CSMD1: variants seen among roughly 807,000 people sequenced by gnomAD.
The protein encoded by CSMD1 is CUB and Sushi multiple domains 1.
In CSMD1, 213 loss-of-function variants were observed where a neutral mutation model predicts 417.5. The observed-to-expected ratio is 0.51, with a 90% confidence interval of 0.46 to 0.57. The LOEUF (loss-of-function observed/expected upper bound fraction) is 0.57. Among genes scored for constraint, CSMD1 ranks in the 20% least tolerant of loss-of-function variants. The pLI is 0.00. For synonymous variants in CSMD1, 2,862 were observed against 1,736.8 expected (o/e 1.65, Z -16.11); for missense variants, 6,923 against 4,529.7 (o/e 1.53, Z -15.17).
At chr8:3,123,944 G>C (rs6991828) in intron 41 of CSMD1, among the ~76,000 whole-genome samples, 56,279 of 152,004 alleles carry the variant, frequency 0.37, 14,538 homozygotes, top group African/African-American at 0.73. Context: ...TTTTGGGATA[G>C]GTAAAACTAG....
At chr8:4,311,472 C>A (rs1360161660) in intron 3 of CSMD1, among the ~76,000 whole-genome samples, 1 of 152,192 alleles carries the variant, frequency 6.6e-6, no homozygotes, top group East Asian at 1.9e-4. Context: ...GCTGTAATCC[C>A]AGCATTTCAG....
chr8:3,881,643 C>G (rs1330754325), intron 5 of CSMD1, among the ~76,000 whole-genome samples: 6 of 144,362 alleles, frequency 4.2e-5, no homozygotes, highest in Non-Finnish European at 9.1e-5. Flanking sequence ...AACAAACAAA[C>G]AAACAAAAAC....
At chr8:4,248,636 A>G (rs757057128) in intron 3 of CSMD1, among the ~76,000 whole-genome samples, 2 of 152,066 alleles carry the variant, frequency 1.3e-5, no homozygotes, top group South Asian at 2.1e-4. Context: ...TGATCACTTC[A>G]TTTTACACCA....
chr8:4,974,743 T>C (rs13266818), intron 1 of CSMD1, among the ~76,000 whole-genome samples: 80,613 of 151,964 alleles, frequency 0.53, 22,124 homozygotes, highest in African/African-American at 0.62. Context: ...CAATCCACAA[T>C]ATCTGACTAG....
At chr8:2,986,695 G>A (rs1252816608) in intron 54 of CSMD1, among the ~76,000 whole-genome samples, 3 of 151,940 alleles carry the variant, frequency 2.0e-5, no homozygotes, top group African/African-American at 4.8e-5. Context: ...TAGTAGAGAC[G>A]GGTTTTCACT....
intron 3 of CSMD1, among the ~76,000 whole-genome samples, chr8:4,133,174 G>A (rs1483180866): frequency 3.3e-5 from 5 of 152,072 alleles, no homozygotes; most frequent in Admixed American, 2.0e-4. Context: ...CTGGCCTTGT[G>A]ATCTGCCCAC....
At chr8:4,497,104 G>C (rs1238951077) in intron 2 of CSMD1, among the ~76,000 whole-genome samples, 1 of 152,162 alleles carries the variant, frequency 6.6e-6, no homozygotes, top group Non-Finnish European at 1.5e-5. Context: ...TTCAGCAGCA[G>C]TGACATCCCA....
intron 5 of CSMD1, among the ~76,000 whole-genome samples, chr8:3,789,844 G>C (rs1456366855): frequency 6.7e-6 from 1 of 149,058 alleles, no homozygotes; most frequent in African/African-American, 2.5e-5. Context: ...CCATTCTCCT[G>C]CCTCAGCCTC....
Position 4,047,893 on chromosome 8 carries a change from T to C in CSMD1, c.416-15794A>G, listed in dbSNP as rs139192986. Among the ~76,000 whole-genome samples the C allele has an allele frequency of 4.7e-4, 71 of 152,284 alleles. 1 individual carries two copies. In the East Asian group the frequency reaches 9.1e-3, roughly 19 times the overall value. On this transcript the variant is annotated intron_variant, in intron 3 of 69. Coordinates refer to ENST00000635120, the MANE Select transcript of CSMD1 (RefSeq NM_033225.6). Reference sequence around the variant, plus strand: ...AATAATATTTACATCACTGAGCCTTTAGTTTGATTTTATGTAGTATTATAA... The same window carrying C: ...AATAATATTTACATCACTGAGCCTTCAGTTTGATTTTATGTAGTATTATAA...
In CSMD1 at chr8:3,501,887, C is replaced by A. The variant is rs576091984; in HGVS notation, c.1345-8161G>T. Among the ~76,000 whole-genome samples, 8 of 152,252 alleles carry A rather than the reference C, an allele frequency of 5.3e-5. No individual in the cohort carries two copies. In the South Asian group the frequency reaches 1.7e-3, roughly 32 times the overall value. The stretch of plus-strand genomic sequence containing the variant: ...ATGTAATTAATGATAAGGAGACAAA[C>A]TGACCAAATATATCTACCATAGATA... On this transcript the variant is annotated intron_variant, in intron 10 of 69. Transcript: ENST00000635120.
intron 1 of CSMD1, among the ~76,000 whole-genome samples, chr8:4,868,581 T>C (rs1158324309): frequency 6.6e-6 from 1 of 152,060 alleles, no homozygotes; most frequent in Admixed American, 6.5e-5. Flanking sequence ...AAACCAATCA[T>C]TTTCATTCGT....
intron 2 of CSMD1, among the ~76,000 whole-genome samples, chr8:4,455,179 G>C (rs1799392442): frequency 6.6e-6 from 1 of 151,320 alleles, no homozygotes; most frequent in African/African-American, 2.4e-5. Context: ...CAGAATTAAA[G>C]ATGCAACAAA....
chr8:3,710,874 G>C (rs549706249), intron 6 of CSMD1, among the ~76,000 whole-genome samples: 1 of 152,196 alleles, frequency 6.6e-6, no homozygotes, highest in African/African-American at 2.4e-5. Flanking sequence ...CTTTCCACGT[G>C]GGCTACTGGC....
chr8:3,713,318 A>G (rs1471145310), intron 6 of CSMD1, among the ~76,000 whole-genome samples: 2 of 152,200 alleles, frequency 1.3e-5, no homozygotes, highest in African/African-American at 4.8e-5. Context: ...TGACGAAACC[A>G]TTACTATATT....
chr8:3,496,895 T>C (rs955780171), intron 10 of CSMD1, among the ~76,000 whole-genome samples: 5 of 152,242 alleles, frequency 3.3e-5, no homozygotes, highest in Non-Finnish European at 4.4e-5. Flanking sequence ...TATTTCTTCA[T>C]AGACCCATTG....
intron 5 of CSMD1, among the ~76,000 whole-genome samples, chr8:3,809,105 G>A (rs1259875030): frequency 6.6e-6 from 1 of 152,162 alleles, no homozygotes; most frequent in Non-Finnish European, 1.5e-5. Context: ...CCTGCCACCG[G>A]GCACATGCTC....
intron 7 of CSMD1, among the ~76,000 whole-genome samples, chr8:3,642,381 T>C (rs1323236437): frequency 2.0e-5 from 3 of 152,120 alleles, no homozygotes; most frequent in African/African-American, 7.2e-5. Context: ...ATTTATAACC[T>C]TAAGTCCACT....
intron 2 of CSMD1, among the ~76,000 whole-genome samples, chr8:4,601,174 C>G (rs1445037687): frequency 1.3e-5 from 2 of 152,070 alleles, no homozygotes; most frequent in South Asian, 4.1e-4. Flanking sequence ...AGGCTGGTCT[C>G]GAACTCCTAA....
chr8:4,258,170 C>T (rs1453131859), intron 3 of CSMD1, among the ~76,000 whole-genome samples: 1 of 150,290 alleles, frequency 6.7e-6, no homozygotes, highest in Admixed American at 6.6e-5. Context: ...GTCTCAAACT[C>T]CTGGCCTCAA....
Sources: allele counts gnomAD v4.1 joint callset (sites outside exome capture counted in the v4.1 genomes callset), GRCh38; gene constraint gnomAD v4.1.1; transcripts MANE v1.5; gene names NCBI Gene and HGNC (gene_info 2026-07-23, HGNC 2026-07-21).